WDR41: variants seen among roughly 807,000 people sequenced by gnomAD.
The protein encoded by WDR41 is WD repeat domain 41, also known as WD repeat-containing protein 41.
Under a neutral mutation model 69.3 loss-of-function variants are expected in WDR41, and 63 were observed. The observed-to-expected ratio is 0.91, with a 90% CI of 0.74 to 1.12. WDR41 has a LOEUF of 1.12. WDR41 is among the 50% of genes most tolerant of loss of function. The pLI, the probability that WDR41 is intolerant of heterozygous loss-of-function variation, is 0.00. For synonymous variants in WDR41, 185 were observed against 192.1 expected, an observed-to-expected ratio of 0.96 and a Z score of 0.31; for missense variants, 543 against 534.5, an observed-to-expected ratio of 1.02 and a Z score of -0.16.
chr5:77,434,608 G>A (rs1214261209), intron 12 of WDR41, among the ~76,000 whole-genome samples: 1 of 151,792 alleles, frequency 6.6e-6, no homozygotes, highest in African/African-American at 2.4e-5. Flanking sequence ...GGGAGACTGA[G>A]GCAGGAGAAT....
chr5:77,453,840 T>C lies in WDR41; in HGVS notation c.500A>G (p.Lys167Arg). 1.2e-6 allele frequency: 2 copies of C among 1,614,016 alleles called. No individual in the cohort carries two copies. Among genetic ancestry groups the C allele is most frequent in the Non-Finnish European group, 1.7e-6 (2 of 1,179,940 alleles). Residue 167 changes from lysine to arginine, a missense_variant, in exon 6 of 13, where the codon AAG becomes AGG. Transcript: ENST00000296679. ...ACCTGTATCAGAAAGGTGGCTAGTC[T>C]TACACAGGAGATCTAATTTTCGGTT... is the stretch of plus-strand genomic sequence containing the variant. ...VWNRKLDLLC[K>R]TSHLSDTGIS...
At chr5:77,433,377 G>A (rs1798803401) in intron 12 of WDR41, 90 bp from the exon 13 acceptor site, 3 of 1,194,134 alleles carry the variant, frequency 2.5e-6, no homozygotes, top group Admixed American at 2.7e-5. Context: ...TGAGATATGT[G>A]CCTTAAAGAC....
At chr5:77,594,401 A>G (rs918914003) in intron 1 of WDR41, among the ~76,000 whole-genome samples, 3 of 152,110 alleles carry the variant, frequency 2.0e-5, no homozygotes, top group African/African-American at 7.2e-5. Flanking sequence ...GTACCCTAGA[A>G]CTTAGAGTAT....
At chr5:77,475,764 C>T (rs1281085103) in intron 2 of WDR41, among the ~76,000 whole-genome samples, 1 of 152,168 alleles carries the variant, frequency 6.6e-6, no homozygotes, top group African/African-American at 2.4e-5. Flanking sequence ...AGCAGAGCGC[C>T]TCTCCTCCTC....
chr5:77,452,303 A>G (rs936443001), intron 6 of WDR41: 1 of 152,248 alleles, frequency 6.6e-6, no homozygotes, highest in Non-Finnish European at 1.5e-5. Flanking sequence ...CAGGGTGGAT[A>G]GCAAGAGAAG....
At position 77,487,081 on chromosome 5, in the gene WDR41, G is replaced by A. The variant is rs552154953; in HGVS notation, c.167+2376C>T. ...CTACAGAGTCCTCTTCTAACTATGG[G>A]ATAGGAATAGCCAAGAGGATATTTC... is the stretch of plus-strand genomic sequence containing the variant. On this transcript the variant is annotated intron_variant, in intron 2 of 12. Coordinates refer to ENST00000296679, the MANE Select transcript of WDR41 (RefSeq NM_018268.4). Among the ~76,000 whole-genome samples the A allele has an allele frequency of 5.9e-5, 9 of 152,248 alleles. No homozygotes were observed. In the South Asian group the frequency reaches 1.9e-3, roughly 32 times the overall value.
chr5:77,489,611 C>CA (rs753824275), intron 1 of WDR41, 39 bp from the exon 2 acceptor site: 6 of 1,242,442 alleles, frequency 4.8e-6, no homozygotes, highest in Non-Finnish European at 6.8e-6. Flanking sequence ...AAACAAAAGA[C>CA]AAAAAAAGAG....
chr5:77,536,313 C>T (rs181949601), intron 1 of WDR41, among the ~76,000 whole-genome samples: 411 of 151,924 alleles, frequency 2.7e-3, no homozygotes, highest in African/African-American at 9.0e-3. Context: ...TAAATATCCT[C>T]CTTGATCTCA....
chr5:77,456,109 T>C (rs1799823397), intron 5 of WDR41, among the ~76,000 whole-genome samples: 1 of 152,212 alleles, frequency 6.6e-6, no homozygotes, highest in South Asian at 2.1e-4. Flanking sequence ...TGTCTTTCCA[T>C]TTATATAGAT....
intron 1 of WDR41, among the ~76,000 whole-genome samples, chr5:77,534,812 C>T (rs1305438666): frequency 6.6e-6 from 1 of 152,176 alleles, no homozygotes; most frequent in Non-Finnish European, 1.5e-5. Flanking sequence ...AGGATACCAA[C>T]ATGAAGTAGG....
intron 2 of WDR41, among the ~76,000 whole-genome samples, chr5:77,477,922 T>G (rs199781219): frequency 7.2e-6 from 1 of 139,138 alleles, no homozygotes; most frequent in Non-Finnish European, 1.5e-5. Context: ...ATTGATAGAC[T>G]GCTAGCAAGA....
chr5:77,600,831 G>A (rs1040355641), intron 1 of WDR41, among the ~76,000 whole-genome samples: 12 of 151,792 alleles, frequency 7.9e-5, no homozygotes, highest in African/African-American at 2.9e-4. Context: ...AGTGAGCCGA[G>A]ATAACGCCAC....
intron 1 of WDR41, among the ~76,000 whole-genome samples, chr5:77,540,194 C>T (rs946764894): frequency 6.6e-6 from 1 of 152,206 alleles, no homozygotes; most frequent in Admixed American, 6.5e-5. Context: ...ACTCTAGCAG[C>T]TGGCAGGACC....
chr5:77,504,632 A>T (rs1802077515), intron 1 of WDR41, among the ~76,000 whole-genome samples: 1 of 152,264 alleles, frequency 6.6e-6, no homozygotes, highest in South Asian at 2.1e-4. Flanking sequence ...TCAATAAAAT[A>T]CTGGCAAACC....
At chr5:77,482,232 T>A (rs1339835760) in intron 2 of WDR41, among the ~76,000 whole-genome samples, 1 of 152,218 alleles carries the variant, frequency 6.6e-6, no homozygotes, top group Non-Finnish European at 1.5e-5. Context: ...TCACTGTATT[T>A]CATTTTGTCA....
At chr5:77,464,859 T>C (rs761449612) in intron 2 of WDR41, 50 bp from the exon 3 acceptor site, 2 of 1,572,764 alleles carry the variant, frequency 1.3e-6, no homozygotes, top group South Asian at 1.1e-5. Flanking sequence ...TGACATTTAA[T>C]TACTAAGATT....
chr5:77,436,226 A>G, intron 12 of WDR41, 35 bp downstream of exon 12: 1 of 1,590,928 alleles, frequency 6.3e-7, no homozygotes, highest in Non-Finnish European at 8.6e-7. Context: ...CAAAAGCAGG[A>G]GTTGCTTGGA....
chr5:77,534,438 AT>A (rs11398541), intron 1 of WDR41, among the ~76,000 whole-genome samples: 2 of 151,072 alleles, frequency 1.3e-5, no homozygotes. Context: ...CAAAATTTCA[AT>A]TTTTTTTTCT....
intron 1 of WDR41, among the ~76,000 whole-genome samples, chr5:77,602,292 A>G (rs1003261167): frequency 2.0e-5 from 3 of 152,200 alleles, no homozygotes; most frequent in African/African-American, 4.8e-5. Context: ...GGCATGCGCC[A>G]CCACGCCTGG....
Sources: allele counts gnomAD v4.1 joint callset (sites outside exome capture counted in the v4.1 genomes callset), GRCh38; gene constraint gnomAD v4.1.1; transcripts MANE v1.5; gene names NCBI Gene and HGNC (gene_info 2026-07-23, HGNC 2026-07-21).